The following BICDL2 variants were observed in gnomAD, a reference collection of about 807,000 sequenced individuals.
BICDL2 encodes BICD family-like cargo adapter 2.
A neutral mutation model predicts 56.6 loss-of-function variants in BICDL2; 62 were observed. The observed-to-expected ratio is 1.10, with a 90% CI of 0.89 to 1.35. The LOEUF (loss-of-function observed/expected upper bound fraction) is 1.35. Among genes scored for constraint, BICDL2 ranks in the 40% most tolerant of loss-of-function variants. BICDL2 has a pLI of 0.00. For synonymous variants in BICDL2, 358 were observed against 319.8 expected, an observed-to-expected ratio of 1.12 and a Z score of -1.27; for missense variants, 808 against 684.5, an observed-to-expected ratio of 1.18 and a Z score of -2.01.
intron 2 of BICDL2, chr16:3,032,228 CCAG>C (rs1955667841): frequency 6.6e-6 from 1 of 152,292 alleles, no homozygotes; most frequent in African/African-American, 2.4e-5. Flanking sequence ...GACACCGTGC[CCAG>C]CCGACACACA....
rs1012390374 is a variant in BICDL2, at chr16:3,030,291, C to A, written c.762+158G>T. 14 of 899,292 alleles carry A rather than the reference C, an allele frequency of 1.6e-5. No individual in the cohort carries two copies. The South Asian group carries it at 1.6e-4, about 10-fold the overall frequency. The allele number at this position is 899,292 out of a possible 1,614,324, so 55.7% of individuals were successfully genotyped here. A position where few individuals can be genotyped will look rare whatever the true frequency, so the allele number is the denominator to read the frequency against. On this transcript the variant is annotated intron_variant, in intron 5 of 9. Transcript: ENST00000572449. ...AGAGCATGCCTCACCTGCTCAACAG[C>A]CTTCCGTGGCTCCCATTTGCCCATG...
In BICDL2 at chr16:3,035,457, G is replaced by T; in HGVS notation, c.40C>A (p.Leu14Ile). The T allele has an allele frequency of 6.2e-7, 1 of 1,611,966 alleles. No individual in the cohort carries two copies. Among genetic ancestry groups the T allele is most frequent in the Non-Finnish European group, 8.5e-7 (1 of 1,179,788 alleles). ...PDGPSFPSGP[L>I]SGGASPSGDE... is the part of the protein sequence containing the mutation. ...CCGCTGGGAGAGGCGCCCCCTGAGA[G>T]CGGCCCGGACGGGAAGCTGGGCCCA... The change falls in exon 2 of 10, where the codon CTC becomes ATC. Residue 14 changes from leucine to isoleucine, a missense_variant. By Grantham distance (5) the Leu-to-Ile change is conservative. Transcript: ENST00000572449.
chr16:3,035,343 A>T lies in BICDL2; in HGVS notation c.154T>A (p.Leu52Met), dbSNP rs747865390. The T allele has an allele frequency of 1.3e-6, 2 of 1,598,950 alleles. No individual in the cohort carries two copies. The highest frequency in any genetic ancestry group is 2.7e-5 in the African/African-American group (2 of 74,580). ...TCTTTCTCCTTCTGCTGCAGCTGCAAGGCTAGGTCCTCGGGCTCCTCAGGC... is the reference window on the plus strand; with the variant it reads ...TCTTTCTCCTTCTGCTGCAGCTGCATGGCTAGGTCCTCGGGCTCCTCAGGC... ...PGPEEPEDLA[L>M]QLQQKEKDLL... is the part of the protein sequence containing the mutation. Residue 52 changes from leucine to methionine, a missense_variant, in exon 2 of 10, where the codon TTG becomes ATG. Coordinates refer to ENST00000572449, the MANE Select transcript of BICDL2 (RefSeq NM_001369667.1).
chr16:3,030,179 C>T (rs1428401970), intron 5 of BICDL2: 3 of 515,450 alleles, frequency 5.8e-6, no homozygotes, highest in South Asian at 2.9e-5. Context: ...ATTGCGCAGC[C>T]GTGGTCTAGG....
intron 5 of BICDL2, 186 bp downstream of exon 5, chr16:3,030,263 C>T (rs950234778): frequency 1.4e-6 from 1 of 739,066 alleles, no homozygotes; most frequent in African/African-American, 1.8e-5. Context: ...CTGATGCACT[C>T]TAAGAGCATG....
At position 3,035,280 on chromosome 16, in the gene BICDL2, C is replaced by G. The variant is rs375068758; in HGVS notation, c.217G>C (p.Glu73Gln). ...LAAELGKMLL[E>Q]RNEELRRQLE... ...TGCCGCCGCAGCTCTTCATTTCGCT[C>G]CAGAAGCATCTTGCCGAGCTCCGCG... The change falls in exon 2 of 10, where the codon GAG becomes CAG. Residue 73 changes from glutamate to glutamine, a missense_variant. Coordinates refer to ENST00000572449, the MANE Select transcript of BICDL2 (RefSeq NM_001369667.1). The G allele has an allele frequency of 3.9e-6, 6 of 1,553,102 alleles. No individual in the cohort carries two copies. The highest frequency in any genetic ancestry group is 4.9e-5 in the East Asian group (2 of 41,110).
In BICDL2 at chr16:3,030,990, C is replaced by T. The variant is rs1410692664; in HGVS notation, c.443G>A (p.Arg148Gln). ...EQQDSGRERARALSELSEQNL... is the reference protein window; with the variant it reads ...EQQDSGRERAQALSELSEQNL... ...CTGCTCGCTGAGCTCGCTGAGGGCC[C>T]GTGCCCGTTCTCGCCCACTGTCCTG... The change falls in exon 3 of 10, where the codon CGG becomes CAG. Residue 148 changes from arginine to glutamine, a missense_variant. By Grantham distance (43) the Arg-to-Gln change is conservative (BLOSUM62 1). Coordinates refer to ENST00000572449, the MANE Select transcript of BICDL2 (RefSeq NM_001369667.1). The T allele has an allele frequency of 4.5e-6, 7 of 1,553,446 alleles. No homozygotes were observed. The highest frequency in any genetic ancestry group is 2.7e-5 in the African/African-American group (2 of 73,568).
chr16:3,036,206 G>C, intron 1 of BICDL2: 1 of 447,306 alleles, frequency 2.2e-6, no homozygotes, highest in Non-Finnish European at 4.5e-6. Context: ...CCGGACTCAG[G>C]AGCCCTGACC....
intron 7 of BICDL2, 54 bp from the exon 8 acceptor site, chr16:3,028,884 T>A (rs985678317): frequency 1.3e-6 from 2 of 1,505,868 alleles, no homozygotes; most frequent in African/African-American, 2.8e-5. Flanking sequence ...GCCTCCCTGC[T>A]TCTCCCAGCA....
In BICDL2 at chr16:3,030,956, C is replaced by T; in HGVS notation, c.477G>A (p.Arg159=). The change falls in exon 3 of 10, where the codon CGG becomes CGA. Residue 159 remains arginine (R), a synonymous_variant. Coordinates refer to ENST00000572449, the MANE Select transcript of BICDL2 (RefSeq NM_001369667.1). ...ALSELSEQNL[R]LSQQLAQASQ... ...CCACCTGAGCCAGCTGCTGGCTGAG[C>T]CGGAGGTTCTGCTCGCTGAGCTCGC... is the stretch of plus-strand genomic sequence containing the variant. 1.9e-6 allele frequency: 3 copies of T among 1,550,140 alleles called. No homozygotes were observed. The highest frequency in any genetic ancestry group is 2.6e-6 in the Non-Finnish European group (3 of 1,153,662).
chr16:3,027,877 C>A lies in BICDL2; in HGVS notation c.*229G>T. 1 of 808,810 alleles carries A rather than the reference C, an allele frequency of 1.2e-6. No individual in the cohort carries two copies. Among genetic ancestry groups the A allele is most frequent in the Non-Finnish European group, 1.8e-6 (1 of 546,630 alleles). 50.1% of individuals were successfully genotyped at this position (808,810 alleles called of 1,614,324 possible). A position where few individuals can be genotyped will look rare whatever the true frequency, so the allele number is the denominator to read the frequency against. On this transcript the variant is annotated 3_prime_UTR_variant, in exon 10 of 10. Coordinates refer to ENST00000572449, the MANE Select transcript of BICDL2 (RefSeq NM_001369667.1). ...TAGAAAAGATAGACGTATATTAATT[C>A]GGAAAATAGCTCTGTTCACCTGCCC...
chr16:3,030,801 AGTCTGGGAGG>A lies in BICDL2; in HGVS notation c.500_509del (p.Ala167ValfsTer26). On this transcript the variant is annotated frameshift_variant and splice_region_variant, in exon 4 of 10. Coordinates refer to ENST00000572449, the MANE Select transcript of BICDL2 (RefSeq NM_001369667.1). LOFTEE classifies it high-confidence loss of function. ...CCAGTTCCCTCTGAAGTTCCTGCTC[AGTCTGGGAGG>A]CCTGGGGAGGTGGAAAGAGGGACAG... 1 of 1,609,850 alleles carries A rather than the reference AGTCTGGGAGG, an allele frequency of 6.2e-7. No individual in the cohort carries two copies. The highest frequency in any genetic ancestry group is 2.2e-5 in the East Asian group (1 of 44,778).
intron 2 of BICDL2, among the ~76,000 whole-genome samples, chr16:3,033,617 C>CA (rs1397493692): frequency 2.0e-5 from 3 of 152,102 alleles, no homozygotes; most frequent in African/African-American, 7.2e-5. Context: ...CTCATCTCTA[C>CA]AAAAAATGCA....
intron 2 of BICDL2, chr16:3,031,653 C>T (rs1955657861): frequency 2.5e-6 from 1 of 402,738 alleles, no homozygotes; most frequent in Non-Finnish European, 4.4e-6. Context: ...CCCTGGCACA[C>T]CCAGATGCCC....
At chr16:3,029,016 G>T (rs1370886108) in intron 7 of BICDL2, among the ~76,000 whole-genome samples, 186 bp from the exon 8 acceptor site, 1 of 152,202 alleles carries the variant, frequency 6.6e-6, no homozygotes, top group Non-Finnish European at 1.5e-5. Flanking sequence ...GCGGGGTGGG[G>T]TGGAGCAGGG....
chr16:3,035,176 T>TTGGGGGGGGGGGGGGGGGGGGGGGGG, intron 2 of BICDL2, 39 bp downstream of exon 2: 3 of 136,274 alleles, frequency 2.2e-5, no homozygotes, highest in East Asian at 2.8e-4. Flanking sequence ...CGTCCTCCCC[T>TTGGGGGGGGGGGGGGGGGGGGGGGGG]GCCCACCCAC....
intron 8 of BICDL2, 112 bp from the exon 9 acceptor site, chr16:3,028,580 A>G: frequency 6.6e-7 from 1 of 1,526,508 alleles, no homozygotes; most frequent in Middle Eastern, 1.7e-4. Flanking sequence ...ACCTAGATCA[A>G]GGAGGTCAGG....
At position 3,027,837 on chromosome 16, in the gene BICDL2, GC is replaced by G; in HGVS notation, c.*268del. The G allele has an allele frequency of 1.2e-6, 1 of 829,556 alleles. No homozygotes were observed. Among genetic ancestry groups the G allele is most frequent in the Admixed American group, 3.2e-5 (1 of 30,804 alleles). 51.4% of individuals were successfully genotyped at this position (829,556 alleles called of 1,614,324 possible). On this transcript the variant is annotated 3_prime_UTR_variant, in exon 10 of 10. Coordinates refer to ENST00000572449, the MANE Select transcript of BICDL2 (RefSeq NM_001369667.1). The stretch of plus-strand genomic sequence containing the variant: ...TCCGATCTTGATACATAAATACCCA[GC>G]CCCATCCCTGCCCTAGAAAAGATAG...
intron 2 of BICDL2, chr16:3,031,641 T>A (rs1955657598): frequency 2.5e-6 from 1 of 403,230 alleles, no homozygotes; most frequent in Non-Finnish European, 4.4e-6. Context: ...AGCGGGGGAA[T>A]GCCCTGGCAC....
Sources: gnomAD v4.1 joint callset for allele counts (sites outside exome capture counted in the v4.1 genomes callset) on GRCh38, gnomAD v4.1.1 for gene constraint, MANE v1.5 for transcripts, NCBI Gene and HGNC (gene_info 2026-07-23, HGNC 2026-07-21) for gene names.